Variants in PCDHA3 observed in about 807,000 individuals in gnomAD.
PCDHA3 encodes the protein protocadherin alpha-3.
PCDHA3 carries 41 observed loss-of-function variants against 62.2 expected under a neutral mutation model. The ratio of observed to expected loss-of-function variants is 0.66; its 90% confidence interval spans 0.51 to 0.86. The LOEUF (loss-of-function observed/expected upper bound fraction) is 0.86. Ranked by LOEUF, PCDHA3 falls within the 40% of genes least tolerant of loss-of-function variation. The pLI, the probability that PCDHA3 is intolerant of heterozygous loss-of-function variation, is 0.00. For missense variants in PCDHA3, 1,304 were observed against 1,241.2 expected (o/e 1.05, Z -0.76); for synonymous variants, 640 against 555.4 (o/e 1.15, Z -2.14).
At chr5:140,839,156 T>C (rs2150295146) in intron 1 of PCDHA3, among the ~76,000 whole-genome samples, 23 of 97,316 alleles carry the variant, frequency 2.4e-4, no homozygotes, top group Non-Finnish European at 4.5e-4. Flanking sequence ...TTTGCTGCTC[T>C]TGTTGAAAGA....
intron 1 of PCDHA3, among the ~76,000 whole-genome samples, chr5:140,966,046 G>A (rs1329363755): frequency 6.6e-6 from 1 of 152,212 alleles, no homozygotes. Context: ...CCCATCGCCA[G>A]TAACCCCAGA....
chr5:140,859,100 T>C (rs1372747667), intron 1 of PCDHA3: 1 of 150,268 alleles, frequency 6.7e-6, no homozygotes, highest in East Asian at 1.9e-4. Flanking sequence ...ATTATTCACT[T>C]AGCAGAAGAA....
chr5:140,851,042 C>A lies in PCDHA3; in HGVS notation c.2394+47451C>A, dbSNP rs2150268615. ...TAAAGTAAACCCCTTAACATTGGAG[C>A]CGACTTTGTCTTGACTTCTAGTGAG... On this transcript the variant is annotated intron_variant, in intron 1 of 3. Coordinates refer to ENST00000522353, the MANE Select transcript of PCDHA3 (RefSeq NM_018906.3). The A allele has an allele frequency of 2.2e-6, 3 of 1,392,218 alleles. No individual in the cohort carries two copies. The East Asian group carries it at 7.5e-5, about 35-fold the overall frequency. The allele number at this position is 1,392,218 out of a possible 1,614,324, so 86.2% of individuals were successfully genotyped here.
intron 1 of PCDHA3, chr5:140,829,595 C>A (rs147522996): frequency 2.5e-6 from 4 of 1,611,770 alleles, no homozygotes; most frequent in Non-Finnish European, 3.4e-6. Context: ...GGTGGGCGAG[C>A]GCGCGTTGTC....
intron 3 of PCDHA3, among the ~76,000 whole-genome samples, chr5:140,983,265 T>C (rs553920702): frequency 6.6e-6 from 1 of 152,200 alleles, no homozygotes; most frequent in Non-Finnish European, 1.5e-5. Flanking sequence ...AAAAACCTAA[T>C]GGCTGGGTGA....
chr5:140,967,108 G>A (rs2096097580), intron 1 of PCDHA3: 1 of 1,612,960 alleles, frequency 6.2e-7, no homozygotes, highest in South Asian at 1.1e-5. Flanking sequence ...GTGAGCAGCG[G>A]CCTCGCTGCC....
intron 1 of PCDHA3, chr5:140,858,707 A>T: frequency 3.7e-6 from 2 of 547,914 alleles, no homozygotes; most frequent in South Asian, 2.5e-5. Flanking sequence ...CAAATATGTG[A>T]TATAGGTTGC....
rs2150134564 is a variant in PCDHA3, at chr5:140,824,459, A to C, written c.2394+20868A>C. 13 of 431,516 alleles carry C rather than the reference A, an allele frequency of 3.0e-5. No individual in the cohort carries two copies. The Middle Eastern group carries it at 1.8e-3, about 61-fold the overall frequency. The allele number at this position is 431,516 out of a possible 1,614,324, so 26.7% of individuals were successfully genotyped here. ...TCAGTTTATGACTACATGAAAATTT[A>C]TTTTATTTTATTGTTATTTTTTAGA... On this transcript the variant is annotated intron_variant, in intron 1 of 3. Transcript: ENST00000522353.
At chr5:140,920,412 ACAGCTGTTCTC>A (rs1294144005) in intron 1 of PCDHA3, among the ~76,000 whole-genome samples, 2 of 152,146 alleles carry the variant, frequency 1.3e-5, no homozygotes, top group African/African-American at 4.8e-5. Context: ...TTAATCAGAT[ACAGCTGTTCTC>A]CCACACACCT....
intron 1 of PCDHA3, among the ~76,000 whole-genome samples, chr5:140,940,004 A>AT (rs1326829458): frequency 2.6e-5 from 4 of 152,120 alleles, no homozygotes; most frequent in Admixed American, 1.3e-4. Context: ...GATTTTGTCA[A>AT]TTTTTTGTGT....
At chr5:140,841,804 T>A in intron 1 of PCDHA3, 1 of 1,613,910 alleles carries the variant, frequency 6.2e-7, no homozygotes, top group African/African-American at 1.3e-5. Flanking sequence ...CCGATGCAGA[T>A]GTTGGAGCTA....
chr5:140,823,408 G>A lies in PCDHA3; in HGVS notation c.2394+19817G>A, dbSNP rs143450009. On this transcript the variant is annotated intron_variant, in intron 1 of 3. Coordinates refer to ENST00000522353, the MANE Select transcript of PCDHA3 (RefSeq NM_018906.3). ...GCGCGACGCGGGCGTGCCGCCTCTGGGCAGCAACGTGACGCTGCAGGTGTT... is the reference window on the plus strand; with the variant it reads ...GCGCGACGCGGGCGTGCCGCCTCTGAGCAGCAACGTGACGCTGCAGGTGTT... 1.1e-4 allele frequency: 171 copies of A among 1,613,150 alleles called. No homozygotes were observed. The African/African-American group carries it at 1.9e-3, about 18-fold the overall frequency.
intron 1 of PCDHA3, chr5:140,828,172 G>C: frequency 3.1e-6 from 5 of 1,614,172 alleles, no homozygotes; most frequent in Non-Finnish European, 4.2e-6. Context: ...GGAAGGTGGG[G>C]AGCGGCCAGC....
chr5:140,967,608 C>T, intron 1 of PCDHA3: 1 of 1,614,160 alleles, frequency 6.2e-7, no homozygotes, highest in Non-Finnish European at 8.5e-7. Flanking sequence ...AAGCTGAATG[C>T]CTCAGACCCG....
At chr5:140,895,730 A>G (rs781978402) in intron 1 of PCDHA3, among the ~76,000 whole-genome samples, 4 of 152,280 alleles carry the variant, frequency 2.6e-5, no homozygotes, top group Middle Eastern at 3.4e-3. Flanking sequence ...CCTCCATTCA[A>G]TGGGCTGCAA....
At chr5:140,931,235 C>T (rs1563126725) in intron 1 of PCDHA3, among the ~76,000 whole-genome samples, 1 of 152,116 alleles carries the variant, frequency 6.6e-6, no homozygotes, top group Non-Finnish European at 1.5e-5. Flanking sequence ...AATATGTGAA[C>T]ACTTTTCCTA....
chr5:141,001,492 T>A (rs1190860523), intron 3 of PCDHA3, among the ~76,000 whole-genome samples: 1 of 152,236 alleles, frequency 6.6e-6, no homozygotes, highest in African/African-American at 2.4e-5. Context: ...CTGGAAATGC[T>A]AGCCCAGGTG....
At chr5:140,821,782 T>C in intron 1 of PCDHA3, 1 of 1,610,160 alleles carries the variant, frequency 6.2e-7, no homozygotes. Context: ...TGAGATGGTA[T>C]ATTCCCGGAG....
At chr5:140,854,066 G>A (rs1554146981) in intron 1 of PCDHA3, 1 of 273,774 alleles carries the variant, frequency 3.7e-6, no homozygotes, top group Non-Finnish European at 5.6e-6. Context: ...GGAGGCTGAG[G>A]CGAGAGAATC....
Sources: gnomAD v4.1 joint callset for allele counts (sites outside exome capture counted in the v4.1 genomes callset) on GRCh38, gnomAD v4.1.1 for gene constraint, MANE v1.5 for transcripts, NCBI Gene and HGNC (gene_info 2026-07-23, HGNC 2026-07-21) for gene names.